IQGAP2: variants seen among roughly 807,000 people sequenced by gnomAD.
The protein encoded by IQGAP2 is ras GTPase-activating-like protein IQGAP2.
In IQGAP2, 173 loss-of-function variants were observed where a neutral mutation model predicts 201.3. That is an observed-to-expected ratio of 0.86 (90% CI 0.76 to 0.98). IQGAP2 has a LOEUF of 0.98. Among genes scored for constraint, IQGAP2 ranks in the 50% least tolerant of loss-of-function variants. The pLI, the probability that IQGAP2 is intolerant of heterozygous loss-of-function variation, is 0.00. For missense variants in IQGAP2, 1,687 were observed against 1,864.8 expected (o/e 0.90, Z 1.76); for synonymous variants, 675 against 673.9 (o/e 1.00, Z -0.03).
At chr5:76,533,463 A>C (rs1301299964) in intron 2 of IQGAP2, among the ~76,000 whole-genome samples, 2 of 151,960 alleles carry the variant, frequency 1.3e-5, no homozygotes, top group African/African-American at 4.8e-5. Flanking sequence ...AGTTCTTTAT[A>C]TATTTATTGA....
intron 17 of IQGAP2, among the ~76,000 whole-genome samples, chr5:76,652,048 TA>T (rs1428256607): frequency 2.0e-5 from 3 of 152,214 alleles, no homozygotes; most frequent in African/African-American, 7.2e-5. Context: ...GATGTTTCAA[TA>T]AAAAGATGCT....
intron 22 of IQGAP2, among the ~76,000 whole-genome samples, chr5:76,666,661 T>G (rs774476776): frequency 6.6e-6 from 1 of 152,234 alleles, no homozygotes; most frequent in Non-Finnish European, 1.5e-5. Flanking sequence ...TCTCTTCTTT[T>G]GAGGCGTTAG....
At chr5:76,452,134 A>T (rs764259129) in intron 1 of IQGAP2, among the ~76,000 whole-genome samples, 10 of 87,424 alleles carry the variant, frequency 1.1e-4, no homozygotes, top group Admixed American at 9.6e-4. Flanking sequence ...TATAAGAATT[A>T]AAAAAAAAAA....
rs754534189 is a variant in IQGAP2 at position 76,695,452 on chromosome 5, A to G, written c.3994-2A>G. ...CTCAGCATCTTGATATTCTCTTTTC[A>G]GGAGGTAGACCATGCCACGGACATG... On this transcript the variant is annotated splice_acceptor_variant, in intron 31 of 35. Coordinates refer to ENST00000274364, the MANE Select transcript of IQGAP2 (RefSeq NM_006633.5). LOFTEE classifies it high-confidence loss of function. The G allele has an allele frequency of 6.2e-7, 1 of 1,613,060 alleles. No individual in the cohort carries two copies. Among genetic ancestry groups the G allele is most frequent in the Non-Finnish European group, 8.5e-7 (1 of 1,179,052 alleles).
At chr5:76,683,687 T>C (rs1218226199) in intron 29 of IQGAP2, 89 bp from the exon 30 acceptor site, 2 of 1,257,770 alleles carry the variant, frequency 1.6e-6, no homozygotes, top group Admixed American at 4.6e-5. Context: ...ACCAAGCCTA[T>C]CTTTCCCACA....
chr5:76,440,762 G>A (rs1003413633), intron 1 of IQGAP2, among the ~76,000 whole-genome samples: 3 of 151,762 alleles, frequency 2.0e-5, no homozygotes, highest in Non-Finnish European at 4.4e-5. Flanking sequence ...GCCCTGGCCG[G>A]GTGCAGTGAC....
intron 2 of IQGAP2, among the ~76,000 whole-genome samples, chr5:76,557,749 T>C (rs1288666739): frequency 1.3e-5 from 2 of 152,226 alleles, no homozygotes; most frequent in African/African-American, 4.8e-5. Context: ...GCCATGGCTA[T>C]ATTTTAAATA....
chr5:76,403,670 G>T lies in IQGAP2; in HGVS notation c.46+79G>T. On this transcript the variant is annotated intron_variant, in intron 1 of 35. Transcript: ENST00000274364. This position sits in a 1 kb window ranked among gnomAD's most constrained non-coding sequence, Gnocchi z 4.8. ...GAGGACGGCGTTGGAGAAGCCGAGG[G>T]AGCCGGTTGCGCGGCGCAGAGGAAA... 1 of 1,251,074 alleles carries T rather than the reference G, an allele frequency of 8.0e-7. No individual in the cohort carries two copies. 77.5% of individuals were successfully genotyped at this position (1,251,074 alleles called of 1,614,324 possible). A position where few individuals can be genotyped will look rare whatever the true frequency, so the allele number is the denominator to read the frequency against.
intron 2 of IQGAP2, among the ~76,000 whole-genome samples, chr5:76,533,251 T>C (rs181387594): frequency 6.6e-6 from 1 of 152,298 alleles, no homozygotes; most frequent in Non-Finnish European, 1.5e-5. Flanking sequence ...ATCCTCATCA[T>C]GTGTATACTA....
intron 1 of IQGAP2, among the ~76,000 whole-genome samples, chr5:76,459,284 T>C (rs1754290370): frequency 6.6e-6 from 1 of 152,060 alleles, no homozygotes; most frequent in African/African-American, 2.4e-5. Flanking sequence ...GGCTTCTGTC[T>C]TCTGCTGGGG....
chr5:76,686,796 A>G (rs1187052512), intron 30 of IQGAP2, among the ~76,000 whole-genome samples: 1 of 152,164 alleles, frequency 6.6e-6, no homozygotes, highest in African/African-American at 2.4e-5. Flanking sequence ...GGCGTGAGCC[A>G]CCACTCCTGG....
At chr5:76,446,862 AC>A (rs1254361866) in intron 1 of IQGAP2, among the ~76,000 whole-genome samples, 1 of 152,160 alleles carries the variant, frequency 6.6e-6, no homozygotes, top group African/African-American at 2.4e-5. Context: ...TGGGGAAAAA[AC>A]AGATGGAATG....
At chr5:76,482,466 A>T (rs1391116141) in intron 2 of IQGAP2, among the ~76,000 whole-genome samples, 1 of 152,224 alleles carries the variant, frequency 6.6e-6, no homozygotes, top group Non-Finnish European at 1.5e-5. Flanking sequence ...GAATTAAATT[A>T]AGACATGCCC....
intron 13 of IQGAP2, chr5:76,618,291 T>A (rs201941975): frequency 6.2e-7 from 1 of 1,614,026 alleles, no homozygotes; most frequent in African/African-American, 1.3e-5. Context: ...AAAAAGAAAA[T>A]CTGCAATGGC....
At chr5:76,454,292 T>TA (rs1561383602) in intron 1 of IQGAP2, among the ~76,000 whole-genome samples, 1 of 151,822 alleles carries the variant, frequency 6.6e-6, no homozygotes, top group Admixed American at 6.6e-5. Flanking sequence ...ATATATATAT[T>TA]TTTTAATTAT....
intron 2 of IQGAP2, among the ~76,000 whole-genome samples, chr5:76,544,302 C>T (rs111819737): frequency 0.019 from 2,870 of 152,260 alleles, 93 homozygotes; most frequent in African/African-American, 0.065. Flanking sequence ...GGGGTTCCTA[C>T]AGCCCACGAT....
chr5:76,647,355 C>CA (rs1260719354), intron 17 of IQGAP2, among the ~76,000 whole-genome samples: 1 of 152,048 alleles, frequency 6.6e-6, no homozygotes, highest in Admixed American at 6.6e-5. Context: ...CCAGAAATGC[C>CA]AATGGGTACA....
chr5:76,554,918 A>G (rs1358612152), intron 2 of IQGAP2, among the ~76,000 whole-genome samples: 1 of 152,246 alleles, frequency 6.6e-6, no homozygotes, highest in Non-Finnish European at 1.5e-5. Flanking sequence ...AACATGTCCA[A>G]AAACTGATGA....
chr5:76,645,842 CAG>C (rs1169737559), intron 17 of IQGAP2, among the ~76,000 whole-genome samples: 2 of 134,024 alleles, frequency 1.5e-5, no homozygotes, highest in African/African-American at 5.5e-5. Context: ...AAAAAAAAAA[CAG>C]AATGGACGAA....
Sources: allele counts gnomAD v4.1 joint callset (sites outside exome capture counted in the v4.1 genomes callset), GRCh38; gene constraint gnomAD v4.1.1; non-coding constraint Gnocchi (gnomAD v3.1); transcripts MANE v1.5; gene names NCBI Gene and HGNC (gene_info 2026-07-23, HGNC 2026-07-21).